The following DLGAP1 variants were observed in gnomAD, a reference collection of about 807,000 sequenced individuals.
DLGAP1 encodes the protein DLG associated protein 1.
A neutral mutation model predicts 90.8 loss-of-function variants in DLGAP1; 11 were observed. That is an observed-to-expected ratio of 0.12 (90% CI 0.08 to 0.20). The LOEUF (loss-of-function observed/expected upper bound fraction) is 0.20. Among genes scored for constraint, DLGAP1 ranks in the 10% least tolerant of loss-of-function variants. The pLI is 1.00. For missense variants in DLGAP1, 1,050 were observed against 1,333.8 expected (o/e 0.79, Z 3.31); for synonymous variants, 558 against 540.7 (o/e 1.03, Z -0.44).
At chr18:4,078,607 A>G (rs2075558884) in intron 2 of DLGAP1, among the ~76,000 whole-genome samples, 1 of 152,328 alleles carries the variant, frequency 6.6e-6, no homozygotes, top group Non-Finnish European at 1.5e-5. Flanking sequence ...AAAATGAACA[A>G]AGAGGTTCCA....
intron 6 of DLGAP1, among the ~76,000 whole-genome samples, chr18:3,735,626 T>C (rs1196641187): frequency 6.6e-6 from 1 of 152,198 alleles, no homozygotes; most frequent in African/African-American, 2.4e-5. Flanking sequence ...GAAACAAATA[T>C]GTTAGTCCAA....
intron 1 of DLGAP1, among the ~76,000 whole-genome samples, chr18:4,263,226 CG>C: frequency 6.6e-6 from 1 of 152,268 alleles, no homozygotes; most frequent in African/African-American, 2.4e-5. Context: ...GGCACCGTAC[CG>C]GGCCTGCCTT....
chr18:4,446,073 C>T (rs1358570564), intron 1 of DLGAP1, among the ~76,000 whole-genome samples: 5 of 152,056 alleles, frequency 3.3e-5, no homozygotes, highest in African/African-American at 1.2e-4. Flanking sequence ...GGAAAAATAG[C>T]TGGAACAGCA....
intron 2 of DLGAP1, among the ~76,000 whole-genome samples, chr18:4,023,123 T>A (rs541284639): frequency 6.6e-6 from 1 of 152,362 alleles, no homozygotes; most frequent in East Asian, 1.9e-4. Context: ...GATTATAGAC[T>A]GACACTTTAT....
At chr18:4,430,761 TA>T (rs2083272050) in intron 1 of DLGAP1, 2 of 152,196 alleles carry the variant, frequency 1.3e-5, no homozygotes, top group Admixed American at 6.5e-5. Context: ...GGGGTGAATG[TA>T]ATCCCTGTGA....
rs569829479 is a variant in DLGAP1 at position 3,877,409 on chromosome 18, T to C, written c.957+1703A>G. On this transcript the variant is annotated intron_variant, in intron 4 of 12. Transcript: ENST00000315677. ...GCATCCTTTACTCTGATACTTCTCA[T>C]CTAATCTCATCATTACTTACTTAAG... Among the ~76,000 whole-genome samples, 3 of 152,358 alleles carry C rather than the reference T, an allele frequency of 2.0e-5. No individual in the cohort carries two copies. The East Asian group carries it at 5.8e-4, about 29-fold the overall frequency.
intron 2 of DLGAP1, among the ~76,000 whole-genome samples, chr18:4,078,672 C>T (rs1040408325): frequency 2.6e-5 from 4 of 152,178 alleles, no homozygotes; most frequent in Non-Finnish European, 5.9e-5. Flanking sequence ...GGTCATCTAT[C>T]TAACTTACTC....
intron 4 of DLGAP1, among the ~76,000 whole-genome samples, chr18:3,866,421 A>G (rs560803302): frequency 4.1e-4 from 63 of 152,306 alleles, no homozygotes; most frequent in African/African-American, 1.4e-3. Context: ...ATTGATTAAT[A>G]GGGAAGGAAT....
intron 3 of DLGAP1, among the ~76,000 whole-genome samples, chr18:3,966,820 T>G (rs2073342418): frequency 6.6e-6 from 1 of 152,138 alleles, no homozygotes; most frequent in African/African-American, 2.4e-5. Flanking sequence ...AGGGGACGTC[T>G]GAGCTAGAGA....
rs151245716 is a variant in DLGAP1 at position 3,925,459 on chromosome 18, G to C, written c.-72-45319C>G. Among the ~76,000 whole-genome samples, 580 of 152,018 alleles carry C rather than the reference G, an allele frequency of 3.8e-3. 3 individuals are homozygous for C. Among genetic ancestry groups the C allele is most frequent in the African/African-American group, 0.014 (569 of 41,436 alleles). ...TTTAACCCTCCCCAGTCACCTTCAG[G>C]CTCAGCCTTGGGGTGCCCTGGCCCT... On this transcript the variant is annotated intron_variant, in intron 3 of 12. Transcript: ENST00000315677.
At chr18:3,946,289 T>A (rs562372013) in intron 3 of DLGAP1, among the ~76,000 whole-genome samples, 3 of 152,316 alleles carry the variant, frequency 2.0e-5, no homozygotes, top group East Asian at 3.9e-4. Context: ...AGTCTGACAA[T>A]GTGGTGGACA....
At chr18:3,789,252 A>G (rs773397449) in intron 5 of DLGAP1, among the ~76,000 whole-genome samples, 2 of 152,242 alleles carry the variant, frequency 1.3e-5, no homozygotes, top group Non-Finnish European at 2.9e-5. Flanking sequence ...AGACTTTAAT[A>G]ACCTACTGCA....
At chr18:3,545,638 C>T (rs972820897) in intron 9 of DLGAP1, among the ~76,000 whole-genome samples, 2 of 152,128 alleles carry the variant, frequency 1.3e-5, no homozygotes, top group African/African-American at 4.8e-5. Flanking sequence ...GGGCAGATCA[C>T]TTGAGGCCAG....
At chr18:4,433,051 T>C (rs978277043) in intron 1 of DLGAP1, among the ~76,000 whole-genome samples, 3 of 152,214 alleles carry the variant, frequency 2.0e-5, no homozygotes, top group African/African-American at 7.2e-5. Flanking sequence ...CCTCTGGGGA[T>C]TCAGCAGAGC....
At chr18:4,072,827 A>C (rs1388694960) in intron 2 of DLGAP1, among the ~76,000 whole-genome samples, 3 of 152,206 alleles carry the variant, frequency 2.0e-5, no homozygotes, top group Non-Finnish European at 4.4e-5. Context: ...TATTAACTCA[A>C]CTATCTCAAC....
intron 1 of DLGAP1, among the ~76,000 whole-genome samples, chr18:4,424,501 A>G (rs537835101): frequency 6.6e-6 from 1 of 152,314 alleles, no homozygotes; most frequent in East Asian, 1.9e-4. Context: ...CTTGATGTAA[A>G]GATAATACAA....
chr18:3,992,358 A>G (rs2073986620), intron 3 of DLGAP1, among the ~76,000 whole-genome samples: 1 of 152,174 alleles, frequency 6.6e-6, no homozygotes. Flanking sequence ...ATCAAAATTA[A>G]TAATTCACAT....
At chr18:3,972,696 T>C (rs1361861766) in intron 3 of DLGAP1, among the ~76,000 whole-genome samples, 1 of 152,190 alleles carries the variant, frequency 6.6e-6, no homozygotes, top group Non-Finnish European at 1.5e-5. Flanking sequence ...GGAACTTTGT[T>C]ATGTTGAGCT....
At chr18:3,793,650 T>G (rs1860588157) in intron 5 of DLGAP1, among the ~76,000 whole-genome samples, 1 of 152,184 alleles carries the variant, frequency 6.6e-6, no homozygotes, top group Admixed American at 6.5e-5. Flanking sequence ...CCTGCCTTCT[T>G]GAGCCTAGCT....
Sources: gnomAD v4.1 joint callset for allele counts (sites outside exome capture counted in the v4.1 genomes callset) on GRCh38, gnomAD v4.1.1 for gene constraint, MANE v1.5 for transcripts, NCBI Gene and HGNC (gene_info 2026-07-23, HGNC 2026-07-21) for gene names.